Variants in PCSK6 observed in about 807,000 individuals in gnomAD.
The protein encoded by PCSK6 is proprotein convertase subtilisin/kexin type 6, also known as paired basic amino acid cleaving enzyme 4.
A neutral mutation model predicts 123.3 loss-of-function variants in PCSK6; 85 were observed. The observed-to-expected ratio is 0.69, with a 90% CI of 0.58 to 0.83. The LOEUF (loss-of-function observed/expected upper bound fraction) is 0.83. Among genes scored for constraint, PCSK6 ranks in the 40% least tolerant of loss-of-function variants. The probability of loss-of-function intolerance (pLI) is 0.00; values close to 1 mark genes in which losing one functional copy is unlikely to be tolerated. For missense variants in PCSK6, 1,191 were observed against 1,282.3 expected (o/e 0.93, Z 1.09); for synonymous variants, 508 against 516.0 (o/e 0.98, Z 0.21).
At chr15:101,446,315 A>C (rs2056888575) in intron 1 of PCSK6, among the ~76,000 whole-genome samples, 1 of 152,270 alleles carries the variant, frequency 6.6e-6, no homozygotes, top group South Asian at 2.1e-4. Flanking sequence ...GTGTTGGACC[A>C]TGTGTCAGAA....
intron 2 of PCSK6, among the ~76,000 whole-genome samples, chr15:101,440,016 A>C (rs1438342360): frequency 6.6e-6 from 1 of 152,254 alleles, no homozygotes; most frequent in Non-Finnish European, 1.5e-5. Context: ...AGCAACGACT[A>C]ACTATAAGCC....
At chr15:101,343,304 C>T (rs1226350957) in intron 13 of PCSK6, among the ~76,000 whole-genome samples, 2 of 152,080 alleles carry the variant, frequency 1.3e-5, no homozygotes, top group Non-Finnish European at 2.9e-5. Context: ...CAAGAACCAG[C>T]TTATGGCATT....
intron 20 of PCSK6, chr15:101,307,593 C>T (rs975937772): frequency 2.5e-5 from 10 of 405,450 alleles, no homozygotes; most frequent in Non-Finnish European, 4.6e-5. Context: ...GGCCAGGCCT[C>T]CGAGGCTTCC....
chr15:101,332,379 C>T (rs553353362), intron 13 of PCSK6, among the ~76,000 whole-genome samples: 6 of 152,346 alleles, frequency 3.9e-5, no homozygotes, highest in African/African-American at 1.4e-4. Flanking sequence ...GATGCTGCCT[C>T]CCCGATGCCT....
intron 1 of PCSK6, among the ~76,000 whole-genome samples, chr15:101,447,896 C>T (rs747244798): frequency 3.5e-4 from 54 of 152,212 alleles, no homozygotes; most frequent in African/African-American, 8.2e-4. Flanking sequence ...CTGCCGCTAT[C>T]GGAGGGCCCT....
chr15:101,389,378 A>G, intron 9 of PCSK6, 86 bp downstream of exon 9: 2 of 1,040,204 alleles, frequency 1.9e-6, no homozygotes, highest in South Asian at 1.3e-5. Context: ...TGTCCACTTC[A>G]ATAGGGTGAA....
At chr15:101,365,235 G>A (rs1486446524) in intron 13 of PCSK6, among the ~76,000 whole-genome samples, 2 of 152,092 alleles carry the variant, frequency 1.3e-5, no homozygotes, top group East Asian at 3.8e-4. Flanking sequence ...GTTAGGCAAT[G>A]GTTTCTCAGG....
intron 1 of PCSK6, among the ~76,000 whole-genome samples, chr15:101,450,757 T>C (rs2057013413): frequency 6.6e-6 from 1 of 152,136 alleles, no homozygotes; most frequent in Non-Finnish European, 1.5e-5. Context: ...TGTCCTGTCT[T>C]TGAGCTCTCT....
At chr15:101,318,581 C>T (rs1012259661) in intron 18 of PCSK6, among the ~76,000 whole-genome samples, 159 bp from the exon 19 acceptor site, 17 of 152,274 alleles carry the variant, frequency 1.1e-4, no homozygotes, top group African/African-American at 3.9e-4. Flanking sequence ...AGCCATCCCG[C>T]AGTCCGCTGG....
chr15:101,384,603 G>A lies in PCSK6; in HGVS notation c.1311-178C>T, dbSNP rs903740215. 9.2e-5 allele frequency among the ~76,000 whole-genome samples: 14 copies of A among 152,202 alleles called. No homozygotes were observed. The South Asian group carries it at 1.7e-3, about 18-fold the overall frequency. On this transcript the variant is annotated intron_variant, in intron 9 of 21. Coordinates refer to ENST00000611716, the MANE Select transcript of PCSK6 (RefSeq NM_002570.5). ...ACCACCTCTTTGTAAACAAGTTTCC[G>A]GCAACTAAATCCTGAGGGAAAAAAA... is the stretch of plus-strand genomic sequence containing the variant.
chr15:101,364,165 G>A (rs1156861407), intron 13 of PCSK6, among the ~76,000 whole-genome samples: 3 of 152,146 alleles, frequency 2.0e-5, no homozygotes, highest in African/African-American at 4.8e-5. Flanking sequence ...GGCAGGGGAA[G>A]GTTCTCACGC....
At position 101,331,633 on chromosome 15, in the gene PCSK6, G is replaced by A; in HGVS notation, c.2077+18C>T. ...CTGGGAAGGTTGGAAAATACTTACT[G>A]GTTTGAAGCATACTTACTGGTCTGT... On this transcript the variant is annotated intron_variant, in intron 15 of 21. Transcript: ENST00000611716. 1 of 1,611,646 alleles carries A rather than the reference G, an allele frequency of 6.2e-7. No individual in the cohort carries two copies. The highest frequency in any genetic ancestry group is 1.7e-4 in the Middle Eastern group (1 of 6,056).
At chr15:101,380,973 G>T (rs573996575) in intron 11 of PCSK6, among the ~76,000 whole-genome samples, 1 of 152,266 alleles carries the variant, frequency 6.6e-6, no homozygotes, top group South Asian at 2.1e-4. Context: ...CTTAAAAACA[G>T]CTGCGATGGC....
intron 1 of PCSK6, among the ~76,000 whole-genome samples, chr15:101,477,492 TATGA>T (rs1441066485): frequency 4.6e-5 from 7 of 152,228 alleles, no homozygotes; most frequent in Non-Finnish European, 7.3e-5. Context: ...TCAACCTGCA[TATGA>T]GTGTGCACGC....
chr15:101,307,199 C>A lies in PCSK6; in HGVS notation c.2812+14G>T, dbSNP rs760657291. The A allele has an allele frequency of 1.2e-6, 2 of 1,602,374 alleles. No homozygotes were observed. Among genetic ancestry groups the A allele is most frequent in the Non-Finnish European group, 1.7e-6 (2 of 1,170,524 alleles). Reference sequence around the variant, plus strand: ...CTCCACAGGCAGCCCCAGGGTAACCCAGCTGCTGCTCACCGTTGCTGCACG... The same window carrying A: ...CTCCACAGGCAGCCCCAGGGTAACCAAGCTGCTGCTCACCGTTGCTGCACG... On this transcript the variant is annotated intron_variant, in intron 21 of 21. Transcript: ENST00000611716.
At chr15:101,376,419 G>A (rs556451683) in intron 11 of PCSK6, among the ~76,000 whole-genome samples, 4 of 152,300 alleles carry the variant, frequency 2.6e-5, no homozygotes, top group African/African-American at 9.6e-5. Flanking sequence ...AGTGCTGTCC[G>A]CTGTGAGTCT....
intron 8 of PCSK6, among the ~76,000 whole-genome samples, chr15:101,390,749 G>A (rs1038682733): frequency 6.6e-6 from 1 of 152,184 alleles, no homozygotes; most frequent in East Asian, 1.9e-4. Context: ...AAGGAACCAC[G>A]GCCCTGCCAG....
chr15:101,313,583 G>A, intron 19 of PCSK6, 78 bp from the exon 20 acceptor site: 1 of 1,525,976 alleles, frequency 6.6e-7, no homozygotes, highest in Non-Finnish European at 8.8e-7. Context: ...TCAGGGCCTT[G>A]TGAGATCAGG....
rs1189188494 is a variant in PCSK6 at position 101,403,344 on chromosome 15, C to T, written c.824-4768G>A. Among the ~76,000 whole-genome samples, 4 of 150,044 alleles carry T rather than the reference C, an allele frequency of 2.7e-5. No homozygotes were observed. The South Asian group carries it at 6.3e-4, about 24-fold the overall frequency. ...CTAAATGACCAGTTAATGGGTGCAG[C>T]ACACCAGCATGGCACATGTACACAT... On this transcript the variant is annotated intron_variant, in intron 6 of 21. Transcript: ENST00000611716.
Sources: allele counts gnomAD v4.1 joint callset (sites outside exome capture counted in the v4.1 genomes callset), GRCh38; gene constraint gnomAD v4.1.1; transcripts MANE v1.5; gene names NCBI Gene and HGNC (gene_info 2026-07-23, HGNC 2026-07-21).